SMYD3: variants seen among roughly 807,000 people sequenced by gnomAD.
The protein encoded by SMYD3 is histone-lysine N-methyltransferase SMYD3.
SMYD3 carries 36 observed loss-of-function variants against 57.7 expected under a neutral mutation model. The ratio of observed to expected loss-of-function variants is 0.62; its 90% CI spans 0.48 to 0.82. SMYD3 has a LOEUF of 0.82. Ranked by LOEUF, SMYD3 falls within the 40% of genes least tolerant of loss-of-function variation. SMYD3 has a pLI of 0.00. For missense variants in SMYD3, 515 were observed against 538.8 expected (o/e 0.96, Z 0.44); for synonymous variants, 211 against 195.0 (o/e 1.08, Z -0.68).
chr1:245,824,332 T>C (rs896904889), intron 10 of SMYD3, among the ~76,000 whole-genome samples: 16 of 152,368 alleles, frequency 1.1e-4, no homozygotes, highest in Non-Finnish European at 2.2e-4. Context: ...AGGTTAGCTG[T>C]ATACATGAAT....
At chr1:246,347,967 T>C (rs566294357) in intron 2 of SMYD3, among the ~76,000 whole-genome samples, 5 of 150,958 alleles carry the variant, frequency 3.3e-5, no homozygotes, top group Middle Eastern at 3.4e-3. Context: ...AAAAGACACA[T>C]GTACCCATAT....
At chr1:245,918,954 A>T (rs1205937474) in intron 7 of SMYD3, among the ~76,000 whole-genome samples, 2 of 152,260 alleles carry the variant, frequency 1.3e-5, no homozygotes, top group Middle Eastern at 6.8e-3. Flanking sequence ...CTAACCCAAG[A>T]CTTTATTACA....
intron 1 of SMYD3, among the ~76,000 whole-genome samples, chr1:246,493,146 C>T (rs2068296693): frequency 6.7e-6 from 1 of 150,046 alleles, no homozygotes; most frequent in African/African-American, 2.5e-5. Context: ...AGTTATATCT[C>T]AATAAAGCTG....
intron 5 of SMYD3, among the ~76,000 whole-genome samples, chr1:246,045,507 C>T (rs1334346646): frequency 2.0e-5 from 3 of 152,004 alleles, no homozygotes; most frequent in Non-Finnish European, 2.9e-5. Flanking sequence ...ACTTACATGT[C>T]AGACCTAAAA....
chr1:246,121,359 T>A (rs1324544893), intron 5 of SMYD3, among the ~76,000 whole-genome samples: 1 of 151,796 alleles, frequency 6.6e-6, no homozygotes, highest in Non-Finnish European at 1.5e-5. Context: ...TCTTGTTTTG[T>A]TTTGTGTTTA....
chr1:246,025,568 C>T (rs887890907), intron 5 of SMYD3, among the ~76,000 whole-genome samples: 11 of 152,140 alleles, frequency 7.2e-5, no homozygotes, highest in South Asian at 4.2e-4. Flanking sequence ...GAAAAAGCTG[C>T]GTCCTATACA....
intron 1 of SMYD3, among the ~76,000 whole-genome samples, chr1:246,361,224 T>C (rs896238935): frequency 6.6e-6 from 1 of 152,076 alleles, no homozygotes; most frequent in African/African-American, 2.4e-5. Flanking sequence ...ATCAGGGAAA[T>C]GCAAATCAAA....
intron 1 of SMYD3, among the ~76,000 whole-genome samples, chr1:246,490,844 G>A (rs563301139): frequency 1.3e-5 from 2 of 152,304 alleles, no homozygotes; most frequent in South Asian, 4.1e-4. Flanking sequence ...CCCAGCCTGG[G>A]CAACAGAGTG....
intron 5 of SMYD3, among the ~76,000 whole-genome samples, chr1:246,021,881 C>G (rs1163322121): frequency 2.6e-5 from 4 of 152,180 alleles, no homozygotes; most frequent in African/African-American, 9.7e-5. Flanking sequence ...CAGCTCACTT[C>G]GTGGGTTCTG....
intron 5 of SMYD3, among the ~76,000 whole-genome samples, chr1:246,086,215 A>G (rs565977715): frequency 1.3e-5 from 2 of 152,194 alleles, no homozygotes; most frequent in South Asian, 4.1e-4. Flanking sequence ...TAGGCTTAAT[A>G]CTAGGATGGA....
chr1:245,938,601 A>T (rs1349134266), intron 5 of SMYD3, among the ~76,000 whole-genome samples: 1 of 152,146 alleles, frequency 6.6e-6, no homozygotes, highest in Non-Finnish European at 1.5e-5. Flanking sequence ...CAACTCCTAC[A>T]CTGTTCCTTT....
Position 245,880,347 on chromosome 1 carries a change from G to A in SMYD3, c.814-16461C>T, listed in dbSNP as rs112016496. Among the ~76,000 whole-genome samples the A allele has an allele frequency of 3.7e-3, 557 of 152,328 alleles. 8 individuals are homozygous for A. Among genetic ancestry groups the A allele is most frequent in the African/African-American group, 0.013 (529 of 41,566 alleles). On this transcript the variant is annotated intron_variant, in intron 8 of 11. Transcript: ENST00000490107. ...TAAGATAAGGCTATCTGGTTAGGAT[G>A]AGAAAGTATATATAGGTTCCTGGCT...
At chr1:246,194,923 A>G (rs1458716518) in intron 5 of SMYD3, among the ~76,000 whole-genome samples, 1 of 152,184 alleles carries the variant, frequency 6.6e-6, no homozygotes, top group Non-Finnish European at 1.5e-5. Flanking sequence ...CGCTCACACT[A>G]AAGCTGTAAC....
At chr1:245,896,401 A>AAAAC (rs2053797510) in intron 8 of SMYD3, among the ~76,000 whole-genome samples, 1 of 151,428 alleles carries the variant, frequency 6.6e-6, no homozygotes, top group Admixed American at 6.6e-5. Context: ...AAAAAAAAAA[A>AAAAC]AAAAACAGGC....
At chr1:245,988,191 C>T (rs755857134) in intron 5 of SMYD3, among the ~76,000 whole-genome samples, 19 of 152,094 alleles carry the variant, frequency 1.2e-4, no homozygotes, top group Non-Finnish European at 2.6e-4. Context: ...GCCTCCCCTG[C>T]CCAGTCCTAA....
At chr1:245,844,160 C>T (rs1189272813) in intron 10 of SMYD3, among the ~76,000 whole-genome samples, 1 of 152,200 alleles carries the variant, frequency 6.6e-6, no homozygotes, top group Non-Finnish European at 1.5e-5. Flanking sequence ...TGGAAATTTA[C>T]AGCAGGTATC....
At chr1:246,263,943 TC>T (rs1321051938) in intron 5 of SMYD3, among the ~76,000 whole-genome samples, 1 of 152,200 alleles carries the variant, frequency 6.6e-6, no homozygotes, top group Non-Finnish European at 1.5e-5. Flanking sequence ...CCAAAATAAT[TC>T]CTTAGATATA....
chr1:246,254,685 T>C (rs2063852134), intron 5 of SMYD3, among the ~76,000 whole-genome samples: 1 of 152,214 alleles, frequency 6.6e-6, no homozygotes, highest in African/African-American at 2.4e-5. Flanking sequence ...ACTGGTAGTT[T>C]CATAGGAATA....
At chr1:246,002,192 T>C (rs2059063695) in intron 5 of SMYD3, among the ~76,000 whole-genome samples, 2 of 152,054 alleles carry the variant, frequency 1.3e-5, no homozygotes, top group African/African-American at 4.8e-5. Flanking sequence ...CTTTTTATTT[T>C]ATTATTTTTT....
Sources: allele counts gnomAD v4.1 joint callset (sites outside exome capture counted in the v4.1 genomes callset), GRCh38; gene constraint gnomAD v4.1.1; transcripts MANE v1.5; gene names NCBI Gene and HGNC (gene_info 2026-07-23, HGNC 2026-07-21).